Variants in NADK observed in about 807,000 individuals in gnomAD.
The protein encoded by NADK is NAD kinase, also known as poly(P)/ATP NAD kinase.
NADK carries 22 observed loss-of-function variants against 49.8 expected under a neutral mutation model. That is an observed-to-expected ratio of 0.44 (90% confidence interval 0.32 to 0.63). NADK has a LOEUF of 0.63. Among genes scored for constraint, NADK ranks in the 30% least tolerant of loss-of-function variants. The pLI, the probability that NADK is intolerant of heterozygous loss-of-function variation, is 0.06. For missense variants in NADK, 438 were observed against 609.4 expected (o/e 0.72, Z 2.96); for synonymous variants, 268 against 253.7 (o/e 1.06, Z -0.54).
At chr1:1,765,178 T>A in intron 2 of NADK, 50 bp downstream of exon 2, 1 of 1,486,572 alleles carries the variant, frequency 6.7e-7, no homozygotes, top group Non-Finnish European at 9.1e-7. Context: ...AGAAAGAATA[T>A]TATGAAATCA....
chr1:1,754,354 G>A lies in NADK; in HGVS notation c.873C>T (p.Gly291=), dbSNP rs1309300725. Residue 291 remains glycine (G), a synonymous_variant, in exon 9 of 12, where the codon GGC becomes GGT. Transcript: ENST00000341426. The surrounding 1 kb of genome is among the most constrained non-coding windows in gnomAD (Gnocchi z 4.3). ...QVLNEVVIDR[G]PSSYLSNVDV... is the part of the protein sequence containing the mutation. ...CCACATTGGACAGGTAGGAGGAGGG[G>A]CCTCTGTCAATCACCACCTCATTCA... 3 of 1,613,924 alleles carry A rather than the reference G, an allele frequency of 1.9e-6. No individual in the cohort carries two copies. The highest frequency in any genetic ancestry group is 1.3e-5 in the African/African-American group (1 of 75,032).
At chr1:1,761,418 G>A (rs542923951) in intron 3 of NADK, among the ~76,000 whole-genome samples, 16 of 152,300 alleles carry the variant, frequency 1.1e-4, no homozygotes, top group African/African-American at 2.6e-4. Flanking sequence ...GAGCCACTGC[G>A]CCCAGCCTGG....
intron 1 of NADK, among the ~76,000 whole-genome samples, chr1:1,777,615 G>A (rs1646249871): frequency 6.6e-6 from 1 of 150,918 alleles, no homozygotes. Flanking sequence ...TGGGGAGGAG[G>A]GATGGGAGGG....
intron 11 of NADK, 43 bp downstream of exon 11, chr1:1,753,521 GGGA>G: frequency 6.5e-7 from 1 of 1,548,254 alleles, no homozygotes; most frequent in Non-Finnish European, 8.9e-7. Flanking sequence ...GCCTGGCCCG[GGGA>G]GGAGGTTGGC....
chr1:1,765,432 G>GA lies in NADK; in HGVS notation c.-27dup. ...TGTCAGGAAATGAGAACTTCGGTCA[G>GA]AAAAACACTGATGCCTTAATTTAAT... On this transcript the variant is annotated 5_prime_UTR_variant, in exon 2 of 12. Coordinates refer to ENST00000341426, the MANE Select transcript of NADK (RefSeq NM_023018.5). 6.7e-7 allele frequency: 1 copy of GA among 1,486,042 alleles called. No individual in the cohort carries two copies. The highest frequency in any genetic ancestry group is 9.2e-7 in the Non-Finnish European group (1 of 1,091,800). The allele number at this position is 1,486,042 out of a possible 1,614,324, so 92.1% of individuals were successfully genotyped here.
At chr1:1,764,722 T>C (rs996342216) in intron 2 of NADK, among the ~76,000 whole-genome samples, 9 of 152,092 alleles carry the variant, frequency 5.9e-5, no homozygotes, top group African/African-American at 1.9e-4. Context: ...GCCAACATGG[T>C]GAAACCCCGT....
chr1:1,757,107 G>T (rs775006575), intron 4 of NADK, 74 bp downstream of exon 4: 1 of 1,541,792 alleles, frequency 6.5e-7, no homozygotes, highest in Non-Finnish European at 8.8e-7. Context: ...ATGGTCTCAC[G>T]GGGCGGTGAT....
intron 3 of NADK, among the ~76,000 whole-genome samples, chr1:1,760,182 T>C (rs1004794557): frequency 1.3e-5 from 2 of 152,218 alleles, no homozygotes; most frequent in East Asian, 3.9e-4. Flanking sequence ...GCAGATGGAC[T>C]GGATGAGGGA....
intron 1 of NADK, among the ~76,000 whole-genome samples, chr1:1,776,239 T>G (rs947556043): frequency 3.9e-5 from 6 of 152,186 alleles, no homozygotes; most frequent in African/African-American, 1.4e-4. Context: ...CGAGCGCCAC[T>G]TTCCCCCTAT....
At chr1:1,760,233 A>G (rs2100317271) in intron 3 of NADK, among the ~76,000 whole-genome samples, 1 of 152,334 alleles carries the variant, frequency 6.6e-6, no homozygotes, top group Admixed American at 6.5e-5. Context: ...GGCATTTGGC[A>G]GCAGTGACAG....
At chr1:1,765,571 G>A (rs1645861269) in intron 1 of NADK, 125 bp from the exon 2 acceptor site, 2 of 487,274 alleles carry the variant, frequency 4.1e-6, no homozygotes, top group South Asian at 8.5e-5. Flanking sequence ...ATTTACCAAA[G>A]TACTTTGAAA....
chr1:1,757,148 A>AACCCCCC (rs1553183926), intron 4 of NADK, 33 bp downstream of exon 4: 30 of 859,190 alleles, frequency 3.5e-5, no homozygotes, highest in Middle Eastern at 3.8e-4. Flanking sequence ...CTCCATGTGC[A>AACCCCCC]CCCCAGGCCC....
rs1449252436 is a variant in NADK, at chr1:1,751,781, G to A, written c.*1123C>T. On this transcript the variant is annotated 3_prime_UTR_variant, in exon 12 of 12. Coordinates refer to ENST00000341426, the MANE Select transcript of NADK (RefSeq NM_023018.5). ...GCAGTTACTCAAAAAAAAGACACCC[G>A]GGCAGCAGTAACCAGGACACCAGGG... 6 of 150,692 alleles carry A rather than the reference G, an allele frequency of 4.0e-5. No homozygotes were observed. Among genetic ancestry groups the A allele is most frequent in the African/African-American group, 4.9e-5 (2 of 41,008 alleles). 9.3% of individuals were successfully genotyped at this position (150,692 alleles called of 1,614,324 possible).
intron 1 of NADK, among the ~76,000 whole-genome samples, chr1:1,773,308 T>C (rs997288245): frequency 1.3e-5 from 2 of 148,840 alleles, no homozygotes; most frequent in African/African-American, 2.4e-5. Context: ...CCCGGCTAAT[T>C]TTTGTATTTT....
chr1:1,761,954 G>C lies in NADK; in HGVS notation c.261C>G (p.Ile87Met). Residue 87 changes from isoleucine (I) to methionine (M), a missense_variant and splice_region_variant, in exon 3 of 12, where the codon ATC (isoleucine) becomes ATG (methionine). Transcript: ENST00000341426. ...CGTCCTGGGGCCCCAGCACTCACAT[G>C]ATGGTCTGGGGGTTCTGCAGCACAC... Reference protein sequence around the residue: ...KACVLQNPQTIMHIQDPASQR... With the variant: ...KACVLQNPQTMMHIQDPASQR... 1 of 1,613,962 alleles carries C rather than the reference G, an allele frequency of 6.2e-7. No individual in the cohort carries two copies. The highest frequency in any genetic ancestry group is 1.3e-5 in the African/African-American group (1 of 75,050).
At chr1:1,762,102 T>C in intron 2 of NADK, 67 bp from the exon 3 acceptor site, 1 of 1,370,090 alleles carries the variant, frequency 7.3e-7, no homozygotes, top group Non-Finnish European at 1.0e-6. Flanking sequence ...CAGACACAGA[T>C]ACAGAGGAGG....
chr1:1,757,153 AGGCCCCCTT>A lies in NADK; in HGVS notation c.393+19_393+27del. 1 of 416,870 alleles carries A rather than the reference AGGCCCCCTT, an allele frequency of 2.4e-6. No individual in the cohort carries two copies. The highest frequency in any genetic ancestry group is 3.4e-6 in the Non-Finnish European group (1 of 298,426). 25.8% of individuals were successfully genotyped at this position (416,870 alleles called of 1,614,324 possible). ...GCCCCCCCAACTCCATGTGCACCCC[AGGCCCCCTT>A]CCCCCCTGCCCCGCGTGCCTCCATG... is the stretch of plus-strand genomic sequence containing the variant. On this transcript the variant is annotated intron_variant, in intron 4 of 11. Coordinates refer to ENST00000341426, the MANE Select transcript of NADK (RefSeq NM_023018.5).
intron 10 of NADK, 111 bp downstream of exon 10, chr1:1,753,940 C>A: frequency 7.3e-7 from 1 of 1,369,972 alleles, no homozygotes; most frequent in Non-Finnish European, 9.9e-7. Flanking sequence ...GATGACGAGG[C>A]CGCGTCTGAG....
Position 1,758,821 on chromosome 1 carries a change from C to T in NADK, c.264-1511G>A, listed in dbSNP as rs546317781. Among the ~76,000 whole-genome samples, 29 of 152,346 alleles carry T rather than the reference C, an allele frequency of 1.9e-4. No homozygotes were observed. In the South Asian group the frequency reaches 4.8e-3, roughly 25 times the overall value. ...CGGGTGGGACCAAGCCCTCTGTTCC[C>T]GTGGCCTCAGACCTGGCCAAGTACC... is the stretch of plus-strand genomic sequence containing the variant. On this transcript the variant is annotated intron_variant, in intron 3 of 11. Transcript: ENST00000341426.
Sources: allele counts gnomAD v4.1 joint callset (sites outside exome capture counted in the v4.1 genomes callset), GRCh38; gene constraint gnomAD v4.1.1; non-coding constraint Gnocchi (gnomAD v3.1); transcripts MANE v1.5; gene names NCBI Gene and HGNC (gene_info 2026-07-23, HGNC 2026-07-21).